The following LRRC37A variants were observed in gnomAD, a reference collection of about 807,000 sequenced individuals.
LRRC37A encodes the protein leucine rich repeat containing 37A, also known as leucine-rich repeat-containing protein 37A.
In LRRC37A, 3 loss-of-function variants were observed where a neutral mutation model predicts 35.4. The observed-to-expected ratio is 0.08, with a 90% confidence interval of 0.04 to 0.22. The LOEUF is 0.22. Among genes scored for constraint, LRRC37A ranks in the 10% least tolerant of loss-of-function variants. LRRC37A has a pLI of 1.00. For synonymous variants in LRRC37A, 23 were observed against 215.0 expected (o/e 0.11, Z 7.81); for missense variants, 67 against 565.3 (o/e 0.12, Z 8.94).
upstream of LRRC37A, among the ~76,000 whole-genome samples, chr17:46,288,464 A>G (rs1373189104): frequency 1.3e-5 from 2 of 151,824 alleles, no homozygotes; most frequent in African/African-American, 4.8e-5. Context: ...GTGTGCCACC[A>G]CATCTGGCTA....
chr17:46,259,457 G>C, the LRRC37A span: 1 of 1,339,098 alleles, frequency 7.5e-7, no homozygotes, highest in Non-Finnish European at 1.0e-6. Flanking sequence ...CCACCTTTGG[G>C]GGTCAGATAG....
At chr17:46,293,115 A>T (rs2050123076), upstream of LRRC37A, 1 of 40,486 alleles carries the variant, frequency 2.5e-5, no homozygotes, top group Non-Finnish European at 7.7e-5. Context: ...CACCACACTC[A>T]GCTAATTTTT....
chr17:46,287,129 G>A, the LRRC37A span, among the ~76,000 whole-genome samples: 1 of 152,188 alleles, frequency 6.6e-6, no homozygotes, highest in South Asian at 2.1e-4. Context: ...GCAAACTCCA[G>A]TATCTGATGC....
the LRRC37A span, among the ~76,000 whole-genome samples, chr17:46,251,878 G>A: frequency 0.032 from 4,907 of 152,018 alleles, 277 homozygotes; most frequent in African/African-American, 0.11. Flanking sequence ...GCCTGATTCT[G>A]GAATCCTAGC....
At chr17:46,273,973 T>C in the LRRC37A span, among the ~76,000 whole-genome samples, 7 of 152,378 alleles carry the variant, frequency 4.6e-5, no homozygotes, top group East Asian at 1.2e-3. Context: ...ATTACCTTTT[T>C]CGTTAGTATG....
chr17:46,279,120 AC>A, the LRRC37A span, among the ~76,000 whole-genome samples: 1 of 151,912 alleles, frequency 6.6e-6, no homozygotes, highest in African/African-American at 2.4e-5. Flanking sequence ...TTACATTATT[AC>A]GACAATGTAA....
chr17:46,260,620 C>CCT, the LRRC37A span: 1 of 1,076,430 alleles, frequency 9.3e-7, no homozygotes, highest in South Asian at 1.7e-5. Context: ...TCTCTATTCT[C>CCT]TTTTTTTTTT....
the LRRC37A span, among the ~76,000 whole-genome samples, chr17:46,262,039 T>C: frequency 9.9e-5 from 15 of 152,202 alleles, no homozygotes; most frequent in African/African-American, 3.6e-4. Flanking sequence ...AAACTCCGTC[T>C]CCCGAGTTTA....
At chr17:46,252,595 C>A in the LRRC37A span, among the ~76,000 whole-genome samples, 1 of 149,454 alleles carries the variant, frequency 6.7e-6, no homozygotes, top group African/African-American at 2.4e-5. Flanking sequence ...ATGCTGCCTT[C>A]AAGCATCTGT....
the LRRC37A span, among the ~76,000 whole-genome samples, chr17:46,252,552 G>C: frequency 6.7e-6 from 1 of 148,980 alleles, no homozygotes; most frequent in African/African-American, 2.4e-5. Flanking sequence ...CTGGGTACTT[G>C]AGATTAGGGA....
the LRRC37A span, chr17:46,267,133 G>GT: frequency 1.9e-6 from 1 of 527,952 alleles, no homozygotes; most frequent in South Asian, 2.6e-5. Flanking sequence ...GGCGAGAGGC[G>GT]TTCTGCAAGC....
the LRRC37A span, among the ~76,000 whole-genome samples, chr17:46,287,463 A>C: frequency 0.14 from 21,420 of 151,564 alleles, 1,880 homozygotes; most frequent in Non-Finnish European, 0.21. Context: ...TTACACTACA[A>C]GGACCATGCA....
At chr17:46,263,915 T>C in the LRRC37A span, among the ~76,000 whole-genome samples, 1 of 151,718 alleles carries the variant, frequency 6.6e-6, no homozygotes, top group South Asian at 2.1e-4. Context: ...CAGGCTGGTC[T>C]TGGACTCCTG....
chr17:46,290,202 T>G (rs2050029167), upstream of LRRC37A, among the ~76,000 whole-genome samples: 1 of 152,204 alleles, frequency 6.6e-6, no homozygotes, highest in Non-Finnish European at 1.5e-5. Flanking sequence ...CTATCATGGC[T>G]CACTGCAGGG....
At chr17:46,282,784 A>G in the LRRC37A span, among the ~76,000 whole-genome samples, 1 of 152,182 alleles carries the variant, frequency 6.6e-6, no homozygotes, top group South Asian at 2.1e-4. Flanking sequence ...CTTCCTTGCT[A>G]CAGAAGAGAG....
At chr17:46,271,732 G>A in the LRRC37A span, among the ~76,000 whole-genome samples, 15 of 152,172 alleles carry the variant, frequency 9.9e-5, no homozygotes, top group Non-Finnish European at 1.8e-4. Flanking sequence ...ATATAAAAAG[G>A]TAATTATTTT....
At chr17:46,251,251 T>A in the LRRC37A span, among the ~76,000 whole-genome samples, 1 of 151,640 alleles carries the variant, frequency 6.6e-6, no homozygotes, top group Non-Finnish European at 1.5e-5. Context: ...AGGACGCTGC[T>A]TAACATCTTT....
chr17:46,288,613 TA>T (rs78756471), upstream of LRRC37A, among the ~76,000 whole-genome samples: 18,875 of 149,332 alleles, frequency 0.13, 1,372 homozygotes, highest in East Asian at 0.27. Context: ...TCATATTTTT[TA>T]AAAAAAGTTT....
At chr17:46,259,486 G>T in the LRRC37A span, 11 of 1,569,928 alleles carry the variant, frequency 7.0e-6, no homozygotes, top group Non-Finnish European at 9.6e-6. Context: ...CAGGTTTGCT[G>T]GGTTGGGGCC....
Sources: gnomAD v4.1 joint callset for allele counts (sites outside exome capture counted in the v4.1 genomes callset) on GRCh38, gnomAD v4.1.1 for gene constraint, MANE v1.5 for transcripts, NCBI Gene and HGNC (gene_info 2026-07-23, HGNC 2026-07-21) for gene names.